The following LINGO2 variants were observed in gnomAD, a reference collection of about 807,000 sequenced individuals.
The protein encoded by LINGO2 is leucine rich repeat and Ig domain containing 2.
Under a neutral mutation model 30.6 loss-of-function variants are expected in LINGO2, and 14 were observed. The ratio of observed to expected loss-of-function variants is 0.46; its 90% confidence interval spans 0.30 to 0.72. LINGO2 has a LOEUF of 0.72. Ranked by LOEUF, LINGO2 falls within the 30% of genes least tolerant of loss-of-function variation. The pLI, the probability that LINGO2 is intolerant of heterozygous loss-of-function variation, is 0.07. For synonymous variants in LINGO2, 317 were observed against 288.5 expected (o/e 1.10, Z -1.00); for missense variants, 729 against 751.7 (o/e 0.97, Z 0.35).
chr9:28,468,519 GTAGAACATC>G (rs1825399040), intron 2 of LINGO2, among the ~76,000 whole-genome samples: 1 of 152,154 alleles, frequency 6.6e-6, no homozygotes. Flanking sequence ...AAATAATACA[GTAGAACATC>G]TAAGGCCCCA....
intron 1 of LINGO2, among the ~76,000 whole-genome samples, chr9:28,636,960 AC>A (rs1274221020): frequency 1.3e-5 from 2 of 152,190 alleles, no homozygotes; most frequent in African/African-American, 4.8e-5. Flanking sequence ...TTTAGGTCTA[AC>A]ATTTAAGTCT....
rs77179302 is a variant in LINGO2 at position 28,600,051 on chromosome 9, A to T, written c.-365+70149T>A. On this transcript the variant is annotated intron_variant, in intron 1 of 5. Transcript: ENST00000379992. ...GCAAAATATTCTACAATAATAAAGT[A>T]TCACTAGATTCTACTATAAAGAGCT... Among the ~76,000 whole-genome samples, 1,268 of 152,306 alleles carry T rather than the reference A, an allele frequency of 8.3e-3. 24 individuals carry two copies. Among genetic ancestry groups the T allele is most frequent in the African/African-American group, 0.029 (1,212 of 41,566 alleles).
chr9:29,211,164 A>T, the LINGO2 span, among the ~76,000 whole-genome samples: 1 of 152,216 alleles, frequency 6.6e-6, no homozygotes, highest in African/African-American at 2.4e-5. Flanking sequence ...AAACTGCATT[A>T]CTGAGTGTAA....
chr9:28,204,062 C>G (rs771981165), intron 4 of LINGO2, among the ~76,000 whole-genome samples: 1 of 152,126 alleles, frequency 6.6e-6, no homozygotes, highest in Non-Finnish European at 1.5e-5. Context: ...CCACAAAGGG[C>G]TAGTGTTGCA....
intron 4 of LINGO2, among the ~76,000 whole-genome samples, chr9:28,040,424 GTTTT>G (rs762768949): frequency 3.2e-5 from 4 of 124,316 alleles, no homozygotes; most frequent in East Asian, 2.5e-4. Context: ...ACAGCTTGAA[GTTTT>G]TTTTTTTTTT....
rs188589092 is a variant in LINGO2, at chr9:28,029,581, G to A, written c.-86-17176C>T. 2.1e-4 allele frequency among the ~76,000 whole-genome samples: 32 copies of A among 151,920 alleles called. No homozygotes were observed. The South Asian group carries it at 2.9e-3, about 14-fold the overall frequency. Reference sequence around the variant, plus strand: ...GAACCACATTTATATCCTTCTAACCGTCAAAAATAAAATGAAGGAGTTGAT... The same window carrying A: ...GAACCACATTTATATCCTTCTAACCATCAAAAATAAAATGAAGGAGTTGAT... On this transcript the variant is annotated intron_variant, in intron 4 of 5. Transcript: ENST00000379992.
At chr9:29,055,368 A>G in the LINGO2 span, among the ~76,000 whole-genome samples, 1 of 152,308 alleles carries the variant, frequency 6.6e-6, no homozygotes, top group South Asian at 2.1e-4. Flanking sequence ...ATGTTATTGC[A>G]TATGGCAGGA....
chr9:28,824,814 T>G, the LINGO2 span, among the ~76,000 whole-genome samples: 7 of 152,304 alleles, frequency 4.6e-5, no homozygotes, highest in South Asian at 1.2e-3. Flanking sequence ...ATGTTTACCA[T>G]GAGTTGAAGA....
the LINGO2 span, among the ~76,000 whole-genome samples, chr9:29,059,920 T>G: frequency 6.6e-6 from 1 of 152,088 alleles, no homozygotes; most frequent in African/African-American, 2.4e-5. Flanking sequence ...TAAAAAGATG[T>G]GCCACAGCTG....
intron 4 of LINGO2, among the ~76,000 whole-genome samples, chr9:28,184,104 T>C (rs541478827): frequency 6.6e-6 from 1 of 152,158 alleles, no homozygotes; most frequent in East Asian, 1.9e-4. Flanking sequence ...CAACAAGGAA[T>C]GCCAGGAAAT....
At chr9:28,638,424 A>G (rs1276204439) in intron 1 of LINGO2, among the ~76,000 whole-genome samples, 1 of 152,140 alleles carries the variant, frequency 6.6e-6, no homozygotes, top group Non-Finnish European at 1.5e-5. Context: ...CTCTGGTAGA[A>G]TTTCACTGTG....
the LINGO2 span, among the ~76,000 whole-genome samples, chr9:28,705,831 T>A: frequency 6.6e-6 from 1 of 152,166 alleles, no homozygotes; most frequent in East Asian, 1.9e-4. Flanking sequence ...TCTGCTCTGT[T>A]AAGTTGTGAT....
At chr9:28,590,998 GTCCTTTA>G (rs1824873259) in intron 1 of LINGO2, among the ~76,000 whole-genome samples, 1 of 152,108 alleles carries the variant, frequency 6.6e-6, no homozygotes, top group Non-Finnish European at 1.5e-5. Context: ...ATGAGTTCAT[GTCCTTTA>G]TAGGGACATG....
At chr9:28,017,497 G>T (rs1279094079) in intron 4 of LINGO2, among the ~76,000 whole-genome samples, 1 of 152,150 alleles carries the variant, frequency 6.6e-6, no homozygotes. Flanking sequence ...AAAATTTCAG[G>T]ATACAAAAAT....
At chr9:28,994,436 A>C in the LINGO2 span, among the ~76,000 whole-genome samples, 1 of 152,008 alleles carries the variant, frequency 6.6e-6, no homozygotes, top group African/African-American at 2.4e-5. Flanking sequence ...GAAAATGGCC[A>C]TACTGCCCAA....
chr9:27,991,819 G>A (rs1364278750), intron 5 of LINGO2, among the ~76,000 whole-genome samples: 1 of 152,042 alleles, frequency 6.6e-6, no homozygotes, highest in Non-Finnish European at 1.5e-5. Context: ...ATTGTTTTGT[G>A]AGAAATAGGC....
At chr9:28,411,396 C>CA (rs1490889910) in intron 2 of LINGO2, among the ~76,000 whole-genome samples, 1 of 152,040 alleles carries the variant, frequency 6.6e-6, no homozygotes, top group African/African-American at 2.4e-5. Flanking sequence ...TTTAGGTATA[C>CA]AATTCAGTGG....
chr9:28,007,607 AC>A (rs1822330347), intron 5 of LINGO2, among the ~76,000 whole-genome samples: 1 of 152,326 alleles, frequency 6.6e-6, no homozygotes, highest in Middle Eastern at 3.4e-3. Flanking sequence ...AGATGCCCTG[AC>A]AAATAAAACA....
the LINGO2 span, among the ~76,000 whole-genome samples, chr9:28,701,426 C>T: frequency 6.6e-6 from 1 of 151,774 alleles, no homozygotes; most frequent in African/African-American, 2.4e-5. Context: ...TTTCTCCATT[C>T]TATTGTCTTT....
Sources: gnomAD v4.1 joint callset for allele counts (sites outside exome capture counted in the v4.1 genomes callset) on GRCh38, gnomAD v4.1.1 for gene constraint, MANE v1.5 for transcripts, NCBI Gene and HGNC (gene_info 2026-07-23, HGNC 2026-07-21) for gene names.